MCM9: variants seen among roughly 807,000 people sequenced by gnomAD.
MCM9 encodes DNA helicase MCM9.
MCM9 carries 55 observed loss-of-function variants against 72.8 expected under a neutral mutation model. The observed-to-expected ratio is 0.76, with a 90% confidence interval of 0.61 to 0.95. The LOEUF is 0.95. MCM9 is among the 40% of genes least tolerant of loss of function. MCM9 has a pLI of 0.00. For synonymous variants in MCM9, 480 were observed against 503.4 expected, an observed-to-expected ratio of 0.95 and a Z score of 0.62; for missense variants, 1,279 against 1,377.0, an observed-to-expected ratio of 0.93 and a Z score of 1.13.
intron 9 of MCM9, among the ~76,000 whole-genome samples, chr6:118,834,674 A>G (rs1774829863): frequency 6.6e-6 from 1 of 151,008 alleles, no homozygotes; most frequent in Non-Finnish European, 1.5e-5. Context: ...GTGCCTGTTC[A>G]TATCCTTCAC....
intron 6 of MCM9, among the ~76,000 whole-genome samples, chr6:118,916,690 C>G (rs1780993058): frequency 6.6e-6 from 1 of 152,092 alleles, no homozygotes; most frequent in South Asian, 2.1e-4. Flanking sequence ...TTAATAGAGA[C>G]AGGGTTTCAC....
chr6:118,843,672 A>ATATATATATATGTGTGTGTGTG (rs1321655061), intron 9 of MCM9, among the ~76,000 whole-genome samples: 6 of 40,668 alleles, frequency 1.5e-4, no homozygotes, highest in African/African-American at 3.9e-4. Context: ...ATATATATGT[A>ATATATATATATGTGTGTGTGTG]TGTATATATA....
intron 8 of MCM9, among the ~76,000 whole-genome samples, chr6:118,876,798 G>A (rs148677111): frequency 0.01 from 1,580 of 152,236 alleles, 30 homozygotes; most frequent in African/African-American, 0.036. Context: ...GCAAAACTCA[G>A]TAAGAAGTAA....
chr6:118,879,684 T>C (rs568535693), intron 8 of MCM9, among the ~76,000 whole-genome samples: 1 of 151,972 alleles, frequency 6.6e-6, no homozygotes, highest in African/African-American at 2.4e-5. Flanking sequence ...AGAAAAAGGA[T>C]GCCAATTCTT....
chr6:118,910,844 A>T, intron 8 of MCM9: 1 of 985,324 alleles, frequency 1.0e-6, no homozygotes, highest in Non-Finnish European at 1.2e-6. Context: ...TTAATTGGCC[A>T]TTTTCTGTTG....
At chr6:118,843,672 A>ATATATATATATGTG (rs1321655061) in intron 9 of MCM9, among the ~76,000 whole-genome samples, 1 of 40,674 alleles carries the variant, frequency 2.5e-5, no homozygotes, top group Non-Finnish European at 5.3e-5. Context: ...ATATATATGT[A>ATATATATATATGTG]TGTATATATA....
At chr6:118,843,685 T>TAC (rs1491548772) in intron 9 of MCM9, among the ~76,000 whole-genome samples, 10 of 27,068 alleles carry the variant, frequency 3.7e-4, no homozygotes, top group African/African-American at 7.6e-4. Flanking sequence ...TATATATATA[T>TAC]GTGTATATAT....
Position 118,815,301 on chromosome 6 carries a change from C to T in MCM9, c.2955G>A (p.Gln985=). ...TSTPGNQISS[Q]PQGETKEVSQ... is the part of the protein sequence containing the mutation. ...ACACCTCCTTTGTCTCACCCTGTGGCTGACTGGAGATCTGGTTTCCTGGGG... is the reference window on the plus strand; with the variant it reads ...ACACCTCCTTTGTCTCACCCTGTGGTTGACTGGAGATCTGGTTTCCTGGGG... The change falls in exon 14 of 14, where the codon CAG becomes CAA. Residue 985 remains glutamine, a synonymous_variant. Transcript: ENST00000619706. The T allele has an allele frequency of 6.4e-7, 1 of 1,550,650 alleles. No individual in the cohort carries two copies. Among genetic ancestry groups the T allele is most frequent in the East Asian group, 2.4e-5 (1 of 40,906 alleles).
intron 5 of MCM9, chr6:118,919,574 T>C (rs1781267186): frequency 6.6e-6 from 1 of 152,208 alleles, no homozygotes; most frequent in Non-Finnish European, 1.5e-5. Flanking sequence ...ACGTGTTTTC[T>C]TTACTCAAAT....
chr6:118,814,877 C>G lies in MCM9; in HGVS notation c.3379G>C (p.Gly1127Arg), dbSNP rs1773307666. ...CAGTCACAATCAAATGCTTCATCAC[C>G]TAGTTCTGGTAAAGTGAAGAGGGAT... ...KESLFTLPELGDEAFDCDWDE... is the reference protein window; with the variant it reads ...KESLFTLPELRDEAFDCDWDE... Residue 1127 changes from glycine to arginine, a missense_variant, in exon 14 of 14, where the codon GGT becomes CGT. Physicochemically the swap from Gly to Arg is moderately radical, Grantham distance 125 (BLOSUM62 -2). Transcript: ENST00000619706. 1.9e-6 allele frequency: 3 copies of G among 1,543,160 alleles called. No individual in the cohort carries two copies. In the Admixed American group the frequency reaches 6.1e-5, roughly 31 times the overall value.
intron 8 of MCM9, among the ~76,000 whole-genome samples, chr6:118,859,882 A>G (rs1776796697): frequency 6.6e-6 from 1 of 152,232 alleles, no homozygotes; most frequent in South Asian, 2.1e-4. Context: ...GTCATCTGGT[A>G]CCACCCAAGG....
intron 9 of MCM9, among the ~76,000 whole-genome samples, chr6:118,852,818 C>A (rs898914541): frequency 1.6e-4 from 24 of 152,222 alleles, no homozygotes; most frequent in Middle Eastern, 6.8e-3. Flanking sequence ...CCTCTAACCC[C>A]CTAGCAGAAA....
chr6:118,876,891 T>A (rs1219333316), intron 8 of MCM9, among the ~76,000 whole-genome samples: 6 of 152,222 alleles, frequency 3.9e-5, no homozygotes, highest in Non-Finnish European at 8.8e-5. Flanking sequence ...AATAAGCACA[T>A]GAAAATATGT....
chr6:118,913,245 G>T, intron 7 of MCM9, 50 bp downstream of exon 7: 1 of 1,595,876 alleles, frequency 6.3e-7, no homozygotes, highest in Admixed American at 1.8e-5. Context: ...AAAAGTTCTA[G>T]CTTCCATCCA....
rs776758090 is a variant in MCM9 at position 118,913,348 on chromosome 6, A to G, written c.977T>C (p.Met326Thr). ...CCTTTGAATCCCACCAGCCAGCACC[A>G]TGGCCACAGCAAGCTTTACTAGATA... is the stretch of plus-strand genomic sequence containing the variant. ...GMYLVKLAVA[M>T]VLAGGIQRTD... Residue 326 changes from methionine to threonine, a missense_variant, in exon 7 of 14, where the codon ATG becomes ACG. Met to Thr is a moderately conservative substitution (Grantham distance 81). Coordinates refer to ENST00000619706, the MANE Select transcript of MCM9 (RefSeq NM_017696.3). The G allele has an allele frequency of 4.3e-6, 7 of 1,614,160 alleles. No homozygotes were observed. The South Asian group carries it at 6.6e-5, about 15-fold the overall frequency.
intron 8 of MCM9, among the ~76,000 whole-genome samples, chr6:118,861,750 A>G (rs1039330365): frequency 6.6e-5 from 10 of 152,188 alleles, no homozygotes; most frequent in African/African-American, 2.4e-4. Flanking sequence ...TGGACCTGGA[A>G]AAAGCACCAT....
At chr6:118,860,110 G>C (rs917927811) in intron 8 of MCM9, among the ~76,000 whole-genome samples, 1 of 152,056 alleles carries the variant, frequency 6.6e-6, no homozygotes, top group Non-Finnish European at 1.5e-5. Context: ...ATACTAAAAG[G>C]CAGAAAATAC....
chr6:118,878,581 T>A (rs923367691), intron 8 of MCM9, among the ~76,000 whole-genome samples: 11 of 152,078 alleles, frequency 7.2e-5, no homozygotes, highest in African/African-American at 2.7e-4. Flanking sequence ...GAAAAGGGAA[T>A]AGAATTACAT....
intron 9 of MCM9, among the ~76,000 whole-genome samples, chr6:118,843,720 G>GTATATATATATATATATATATGTA (rs1775661091): frequency 2.9e-5 from 3 of 102,006 alleles, no homozygotes; most frequent in Non-Finnish European, 1.8e-5. Flanking sequence ...ATATATATAT[G>GTATATATATATATATATATATGTA]TATATATATA....
Sources: gnomAD v4.1 joint callset for allele counts (sites outside exome capture counted in the v4.1 genomes callset) on GRCh38, gnomAD v4.1.1 for gene constraint, MANE v1.5 for transcripts, NCBI Gene and HGNC (gene_info 2026-07-23, HGNC 2026-07-21) for gene names.